The following CTNNA3 variants were observed in gnomAD, a reference collection of about 807,000 sequenced individuals.
CTNNA3 encodes catenin alpha 3.
Under a neutral mutation model 95.7 loss-of-function variants are expected in CTNNA3, and 76 were observed. The observed-to-expected ratio is 0.79, with a 90% CI of 0.66 to 0.96. The LOEUF is 0.96. CTNNA3 is among the 40% of genes least tolerant of loss of function. The pLI, the probability that CTNNA3 is intolerant of heterozygous loss-of-function variation, is 0.00. For synonymous variants in CTNNA3, 431 were observed against 374.4 expected, an observed-to-expected ratio of 1.15 and a Z score of -1.74; for missense variants, 1,191 against 1,089.8, an observed-to-expected ratio of 1.09 and a Z score of -1.31.
At chr10:66,157,190 C>G (rs533105738) in intron 13 of CTNNA3, among the ~76,000 whole-genome samples, 1 of 151,784 alleles carries the variant, frequency 6.6e-6, no homozygotes, top group Non-Finnish European at 1.5e-5. Context: ...ATCCCTCGTC[C>G]CCCTCCCACT....
At chr10:66,480,160 G>C (rs1454673888) in intron 11 of CTNNA3, among the ~76,000 whole-genome samples, 1 of 152,070 alleles carries the variant, frequency 6.6e-6, no homozygotes, top group Non-Finnish European at 1.5e-5. Flanking sequence ...CTCCTTGTTT[G>C]AGTAAATAAA....
chr10:67,350,788 A>C (rs1842602789), intron 5 of CTNNA3, among the ~76,000 whole-genome samples: 2 of 151,388 alleles, frequency 1.3e-5, no homozygotes, highest in African/African-American at 4.8e-5. Context: ...ACAGTTTTCC[A>C]GTTTCTTATA....
At chr10:66,725,008 T>C (rs546943179) in intron 9 of CTNNA3, among the ~76,000 whole-genome samples, 70 of 152,252 alleles carry the variant, frequency 4.6e-4, no homozygotes, top group Non-Finnish European at 7.8e-4. Flanking sequence ...ATGTAGTATA[T>C]GCACAAAACC....
chr10:65,944,220 G>T (rs1327877772), intron 17 of CTNNA3, among the ~76,000 whole-genome samples: 9 of 152,174 alleles, frequency 5.9e-5, no homozygotes, highest in Admixed American at 4.6e-4. Context: ...CCCAATATTT[G>T]CACAGATCCC....
intron 7 of CTNNA3, among the ~76,000 whole-genome samples, chr10:66,791,062 G>A (rs775697562): frequency 6.6e-6 from 1 of 152,078 alleles, no homozygotes; most frequent in East Asian, 1.9e-4. Flanking sequence ...TCAAGTTAAT[G>A]TCCTAGCCCC....
At chr10:66,419,384 T>C (rs1039277085) in intron 11 of CTNNA3, among the ~76,000 whole-genome samples, 3 of 152,064 alleles carry the variant, frequency 2.0e-5, no homozygotes, top group Non-Finnish European at 2.9e-5. Flanking sequence ...ATGAAAGAAA[T>C]TGAAGAGAAC....
intron 5 of CTNNA3, among the ~76,000 whole-genome samples, chr10:67,236,068 G>C (rs937212753): frequency 7.0e-6 from 1 of 142,310 alleles, no homozygotes; most frequent in Non-Finnish European, 1.5e-5. Flanking sequence ...TGGTGGGACT[G>C]TAAACTAGTT....
intron 11 of CTNNA3, among the ~76,000 whole-genome samples, chr10:66,491,666 C>T (rs1405862642): frequency 6.6e-6 from 1 of 152,006 alleles, no homozygotes; most frequent in Admixed American, 6.6e-5. Flanking sequence ...AAAAATTTGT[C>T]TTTTTGTATC....
At chr10:66,446,434 T>G (rs539801125) in intron 11 of CTNNA3, among the ~76,000 whole-genome samples, 2,450 of 152,034 alleles carry the variant, frequency 0.016, 59 homozygotes, top group African/African-American at 0.056. Context: ...AATAAAATAC[T>G]GGCAAACCGA....
intron 7 of CTNNA3, among the ~76,000 whole-genome samples, chr10:67,133,436 G>C (rs1258023928): frequency 6.7e-6 from 1 of 149,746 alleles, no homozygotes; most frequent in African/African-American, 2.5e-5. Context: ...CAATAGTAGA[G>C]AAACACAGAA....
chr10:67,490,798 G>C (rs1184553291), intron 5 of CTNNA3, among the ~76,000 whole-genome samples: 1 of 151,988 alleles, frequency 6.6e-6, no homozygotes, highest in Non-Finnish European at 1.5e-5. Flanking sequence ...CCTTGGGAGA[G>C]AGAAGGGTAA....
At chr10:66,638,441 C>T (rs1845408584) in intron 9 of CTNNA3, among the ~76,000 whole-genome samples, 1 of 152,118 alleles carries the variant, frequency 6.6e-6, no homozygotes, top group Non-Finnish European at 1.5e-5. Flanking sequence ...GCCCACCCCT[C>T]CGCCGCCCCA....
At chr10:67,294,559 T>A (rs1290089339) in intron 5 of CTNNA3, among the ~76,000 whole-genome samples, 1 of 152,128 alleles carries the variant, frequency 6.6e-6, no homozygotes, top group Non-Finnish European at 1.5e-5. Context: ...ATGTATATTG[T>A]CAAATCAAAT....
chr10:66,971,631 T>G (rs1849730212), intron 7 of CTNNA3, among the ~76,000 whole-genome samples: 1 of 152,066 alleles, frequency 6.6e-6, no homozygotes, highest in African/African-American at 2.4e-5. Flanking sequence ...CCACTTAGAG[T>G]AAACACTCAA....
At chr10:67,700,025 C>G (rs1207870640), upstream of CTNNA3, among the ~76,000 whole-genome samples, 1 of 152,230 alleles carries the variant, frequency 6.6e-6, no homozygotes, top group Non-Finnish European at 1.5e-5. Context: ...TGATTGCTAG[C>G]ACAGCAGTCT....
chr10:66,786,804 G>T, intron 7 of CTNNA3, among the ~76,000 whole-genome samples: 1 of 152,092 alleles, frequency 6.6e-6, no homozygotes, highest in East Asian at 1.9e-4. Context: ...AGTTTGTTAA[G>T]AAATATGTAG....
In CTNNA3 at chr10:66,772,173, C is replaced by G. The variant is rs561503612; in HGVS notation, c.1128+3271G>C. 7.9e-5 allele frequency among the ~76,000 whole-genome samples: 12 copies of G among 152,230 alleles called. No individual in the cohort carries two copies. The South Asian group carries it at 2.3e-3, about 29-fold the overall frequency. ...AGGCCTGGTGGCTCACACCTGTAAT[C>G]CCAGCACTTTGGGAGGCCGAGGTGG... On this transcript the variant is annotated intron_variant, in intron 8 of 17. Coordinates refer to ENST00000433211, the MANE Select transcript of CTNNA3 (RefSeq NM_013266.4).
chr10:66,953,555 ATAGT>A (rs1848644869), intron 7 of CTNNA3, among the ~76,000 whole-genome samples: 1 of 152,176 alleles, frequency 6.6e-6, no homozygotes, highest in African/African-American at 2.4e-5. Flanking sequence ...CTGGCACACC[ATAGT>A]TAGTTATGAC....
intron 11 of CTNNA3, among the ~76,000 whole-genome samples, chr10:66,474,151 G>A (rs1564997920): frequency 6.6e-6 from 1 of 152,010 alleles, no homozygotes; most frequent in Non-Finnish European, 1.5e-5. Context: ...CTGTGCAATA[G>A]AACAGAAGTT....
Sources: gnomAD v4.1 joint callset for allele counts (sites outside exome capture counted in the v4.1 genomes callset) on GRCh38, gnomAD v4.1.1 for gene constraint, MANE v1.5 for transcripts, NCBI Gene and HGNC (gene_info 2026-07-23, HGNC 2026-07-21) for gene names.